The following GTF3C1 variants were observed in gnomAD, a reference collection of about 807,000 sequenced individuals.
GTF3C1 encodes the protein general transcription factor IIIC subunit 1.
In GTF3C1, 57 loss-of-function variants were observed where a neutral mutation model predicts 226.7. That is an observed-to-expected ratio of 0.25 (90% CI 0.20 to 0.31). The LOEUF is 0.31. GTF3C1 is among the 10% of genes least tolerant of loss of function. The probability of loss-of-function intolerance (pLI) is 1.00; values close to 1 mark genes in which losing one functional copy is unlikely to be tolerated. For synonymous variants in GTF3C1, 1,090 were observed against 1,084.8 expected, an observed-to-expected ratio of 1.00 and a Z score of -0.09; for missense variants, 2,217 against 2,776.1, an observed-to-expected ratio of 0.80 and a Z score of 4.53.
chr16:27,472,255 C>T (rs993886603), intron 29 of GTF3C1, among the ~76,000 whole-genome samples: 1 of 152,220 alleles, frequency 6.6e-6, no homozygotes, highest in Non-Finnish European at 1.5e-5. Context: ...AGAATCATCT[C>T]GTCTACCACT....
At chr16:27,549,382 T>C (rs1386881677) in intron 1 of GTF3C1, among the ~76,000 whole-genome samples, 1 of 152,148 alleles carries the variant, frequency 6.6e-6, no homozygotes, top group African/African-American at 2.4e-5. Context: ...AACATTCTTT[T>C]AAGCCTGAAG....
intron 26 of GTF3C1, 24 bp downstream of exon 26, chr16:27,483,020 G>GCCCT: frequency 6.2e-7 from 1 of 1,601,514 alleles, no homozygotes; most frequent in Non-Finnish European, 8.6e-7. Context: ...AGCATACCAA[G>GCCCT]CCCTACACTC....
At chr16:27,504,697 C>T (rs964252331) in intron 10 of GTF3C1, among the ~76,000 whole-genome samples, 4 of 152,116 alleles carry the variant, frequency 2.6e-5, no homozygotes, top group African/African-American at 9.7e-5. Context: ...GGGAGGATCA[C>T]TTGAGCCCAG....
intron 12 of GTF3C1, among the ~76,000 whole-genome samples, chr16:27,500,935 G>C (rs1402802110): frequency 6.6e-6 from 1 of 152,178 alleles, no homozygotes; most frequent in Non-Finnish European, 1.5e-5. Flanking sequence ...CCTGCCTTCT[G>C]CTTCTTCAAG....
chr16:27,546,742 CTG>C (rs1307552592), intron 1 of GTF3C1, among the ~76,000 whole-genome samples: 2 of 151,974 alleles, frequency 1.3e-5, no homozygotes, highest in Non-Finnish European at 2.9e-5. Context: ...CTTGCCCCCT[CTG>C]TGTTATCTGC....
intron 4 of GTF3C1, among the ~76,000 whole-genome samples, chr16:27,537,488 C>A (rs992989085): frequency 6.6e-6 from 1 of 152,176 alleles, no homozygotes; most frequent in Non-Finnish European, 1.5e-5. Context: ...TGGCTCACTG[C>A]AGCCTCAAAT....
At chr16:27,517,320 G>A (rs1301216448) in intron 6 of GTF3C1, among the ~76,000 whole-genome samples, 1 of 152,096 alleles carries the variant, frequency 6.6e-6, no homozygotes, top group Non-Finnish European at 1.5e-5. Flanking sequence ...CTTTTTGAAG[G>A]TGCCTGTTCC....
chr16:27,501,170 A>G (rs2088398813), intron 12 of GTF3C1, 21 bp downstream of exon 12: 1 of 1,600,534 alleles, frequency 6.2e-7, no homozygotes, highest in Admixed American at 1.7e-5. Context: ...GGCTCTGGGC[A>G]TCGGGGGAGG....
chr16:27,470,523 GCT>G lies in GTF3C1; in HGVS notation c.4527-130_4527-129del, dbSNP rs2087852361. ...CAAAACGCCCCACTTCTTCCCTAAA[GCT>G]CTCTGTCCCATCCCAGATGAAGGTG... On this transcript the variant is annotated intron_variant, in intron 30 of 36. Transcript: ENST00000356183. This position sits in a 1 kb window ranked among gnomAD's most constrained non-coding sequence, Gnocchi z 4.9. The G allele has an allele frequency of 1.9e-5, 14 of 719,774 alleles. No homozygotes were observed. The Admixed American group carries it at 3.4e-4, about 18-fold the overall frequency. The allele number at this position is 719,774 out of a possible 1,614,324, so 44.6% of individuals were successfully genotyped here.
At chr16:27,494,996 G>T in intron 15 of GTF3C1, 88 bp from the exon 16 acceptor site, 2 of 1,206,714 alleles carry the variant, frequency 1.7e-6, no homozygotes, top group Non-Finnish European at 2.4e-6. Context: ...AGGAGGTCTT[G>T]GTGTCTTTAC....
Position 27,492,200 on chromosome 16 carries a change from G to T in GTF3C1, c.3151+138C>A. On this transcript the variant is annotated intron_variant, in intron 19 of 36. Coordinates refer to ENST00000356183, the MANE Select transcript of GTF3C1 (RefSeq NM_001520.4). This position sits in a 1 kb window ranked among gnomAD's most constrained non-coding sequence, Gnocchi z 5.0. ...CTTTCCTTTCCAAGGGAGCCCCAGG[G>T]GTGCTCTGGGCCTCTGGGGAGCACT... 1 of 603,714 alleles carries T rather than the reference G, an allele frequency of 1.7e-6. No individual in the cohort carries two copies. The allele number at this position is 603,714 out of a possible 1,614,324, so 37.4% of individuals were successfully genotyped here. A position where few individuals can be genotyped will look rare whatever the true frequency, so the allele number is the denominator to read the frequency against.
intron 32 of GTF3C1, 84 bp from the exon 33 acceptor site, chr16:27,465,624 G>T: frequency 9.4e-7 from 1 of 1,066,074 alleles, no homozygotes; most frequent in Non-Finnish European, 1.4e-6. Context: ...CCCAGGAAAG[G>T]CATGCTCCAG....
chr16:27,503,443 C>G (rs895602458), intron 10 of GTF3C1, among the ~76,000 whole-genome samples: 5 of 152,202 alleles, frequency 3.3e-5, no homozygotes, highest in African/African-American at 1.2e-4. Context: ...AACCAGGGCT[C>G]TGTGTGGCTA....
At chr16:27,540,192 T>G (rs2089061508) in intron 2 of GTF3C1, among the ~76,000 whole-genome samples, 1 of 152,238 alleles carries the variant, frequency 6.6e-6, no homozygotes, top group Non-Finnish European at 1.5e-5. Flanking sequence ...TGTTTTAACT[T>G]AACTCCATCT....
intron 29 of GTF3C1, among the ~76,000 whole-genome samples, chr16:27,474,199 G>A (rs2087919152): frequency 6.6e-6 from 1 of 152,210 alleles, no homozygotes; most frequent in Non-Finnish European, 1.5e-5. Context: ...GAAGTGTCCT[G>A]TTTCCTGCTC....
rs1291528209 is a variant in GTF3C1, at chr16:27,512,357, A to T, written c.974-456T>A. Among the ~76,000 whole-genome samples the T allele has an allele frequency of 1.3e-5, 2 of 152,180 alleles. 1 individual carries two copies. Among genetic ancestry groups the T allele is most frequent in the East Asian group, 3.9e-4 (2 of 5,194 alleles). On this transcript the variant is annotated intron_variant, in intron 6 of 36. Coordinates refer to ENST00000356183, the MANE Select transcript of GTF3C1 (RefSeq NM_001520.4). ...TTTAAGCTAATACTCACTGCCAATAAGGTGTGGCAGCAGTGTAAACGAGCT... is the reference window on the plus strand; with the variant it reads ...TTTAAGCTAATACTCACTGCCAATATGGTGTGGCAGCAGTGTAAACGAGCT...
In GTF3C1 at chr16:27,471,925, A is replaced by G. The variant is rs748226187; in HGVS notation, c.4354-5T>C. 1.9e-6 allele frequency: 3 copies of G among 1,613,938 alleles called. No individual in the cohort carries two copies. The highest frequency in any genetic ancestry group is 2.5e-6 in the Non-Finnish European group (3 of 1,179,858). On this transcript the variant is annotated splice_region_variant and splice_polypyrimidine_tract_variant and intron_variant, in intron 29 of 36. Coordinates refer to ENST00000356183, the MANE Select transcript of GTF3C1 (RefSeq NM_001520.4). The surrounding 1 kb of genome is among the most constrained non-coding windows in gnomAD (Gnocchi z 5.0). Reference sequence around the variant, plus strand: ...CTCCCGATAGAGGCGGAAAGTCTGCAACACAGGGCGGCGAGGGTGAGTAGG... The same window carrying G: ...CTCCCGATAGAGGCGGAAAGTCTGCGACACAGGGCGGCGAGGGTGAGTAGG...
chr16:27,534,988 T>C (rs575065731), intron 4 of GTF3C1, among the ~76,000 whole-genome samples: 6 of 152,092 alleles, frequency 3.9e-5, no homozygotes, highest in Non-Finnish European at 8.8e-5. Flanking sequence ...AAGAAAAAGG[T>C]ATGTCATTGA....
intron 5 of GTF3C1, among the ~76,000 whole-genome samples, chr16:27,528,934 G>A (rs1013197753): frequency 1.1e-4 from 16 of 152,232 alleles, no homozygotes. Flanking sequence ...GAGGGGGAAA[G>A]AGATTCGCTT....
Sources: gnomAD v4.1 joint callset for allele counts (sites outside exome capture counted in the v4.1 genomes callset) on GRCh38, gnomAD v4.1.1 for gene constraint, Gnocchi (gnomAD v3.1) non-coding constraint, MANE v1.5 for transcripts, NCBI Gene and HGNC (gene_info 2026-07-23, HGNC 2026-07-21) for gene names.